Variants in RANBP2 observed in about 807,000 individuals in gnomAD.
The protein encoded by RANBP2 is E3 SUMO-protein ligase RanBP2.
Under a neutral mutation model 303.6 loss-of-function variants are expected in RANBP2, and 57 were observed. That is an observed-to-expected ratio of 0.19 (90% CI 0.15 to 0.23). The LOEUF (loss-of-function observed/expected upper bound fraction) is 0.23, where lower values mean the gene tolerates loss of function less well. RANBP2 is among the 10% of genes least tolerant of loss of function. RANBP2 has a pLI of 1.00. For synonymous variants in RANBP2, 1,167 were observed against 1,301.5 expected, an observed-to-expected ratio of 0.90 and a Z score of 2.23; for missense variants, 3,138 against 3,780.8, an observed-to-expected ratio of 0.83 and a Z score of 4.46.
chr2:109,433,658 G>A, the RANBP2 span, among the ~76,000 whole-genome samples: 5 of 152,196 alleles, frequency 3.3e-5, no homozygotes, highest in Admixed American at 2.0e-4. Context: ...GAGTGGTCTC[G>A]GGACACATGC....
chr2:108,767,527 C>A lies in RANBP2; in HGVS notation c.6988C>A (p.Gln2330Lys), dbSNP rs2693105. 25 of 1,611,708 alleles carry A rather than the reference C, an allele frequency of 1.6e-5. No homozygotes were observed. The highest frequency in any genetic ancestry group is 9.4e-5 in the African/African-American group (7 of 74,780). The change falls in exon 20 of 29, where the codon CAA becomes AAA. Residue 2330 changes from glutamine to lysine, a missense_variant. This residue lies in a region of RANBP2 where 92 missense variants were observed against 211.0 expected (regional missense o/e 0.44). Transcript: ENST00000283195. The stretch of plus-strand genomic sequence containing the variant: ...AGTATCCAGTGGTGAGGAAAATGAA[C>A]AAGTTGTTTTTAGTCACAGGGCAAA... Reference protein sequence around the residue: ...VEVSSGEENEQVVFSHRAKLY... With the variant: ...VEVSSGEENEKVVFSHRAKLY...
chr2:109,479,763 CCA>C, the RANBP2 span, among the ~76,000 whole-genome samples: 1 of 152,178 alleles, frequency 6.6e-6, no homozygotes, highest in African/African-American at 2.4e-5. Context: ...AGCCAATTAT[CCA>C]CACTGCTCTT....
the RANBP2 span, among the ~76,000 whole-genome samples, chr2:108,933,969 G>A: frequency 2.0e-5 from 3 of 152,160 alleles, no homozygotes; most frequent in Non-Finnish European, 4.4e-5. Context: ...AGCAGGGCTG[G>A]AGGCCTTCCA....
At chr2:109,241,768 A>AT in the RANBP2 span, among the ~76,000 whole-genome samples, 822 of 143,426 alleles carry the variant, frequency 5.7e-3, 6 homozygotes, top group East Asian at 0.036. Flanking sequence ...GTCTTGAATA[A>AT]TTTTTTTTTT....
At chr2:109,449,092 TGCATTGC>T in the RANBP2 span, 4 of 1,496,994 alleles carry the variant, frequency 2.7e-6, no homozygotes, top group Admixed American at 2.0e-5. Flanking sequence ...AGCCTGAGTG[TGCATTGC>T]AGCTGCCTGG....
chr2:109,032,836 A>G, the RANBP2 span, among the ~76,000 whole-genome samples: 3 of 152,222 alleles, frequency 2.0e-5, no homozygotes, highest in African/African-American at 7.2e-5. Context: ...GCCTAATTCC[A>G]CACAGAGTTT....
chr2:109,306,949 G>C, the RANBP2 span, among the ~76,000 whole-genome samples: 1 of 152,206 alleles, frequency 6.6e-6, no homozygotes, highest in African/African-American at 2.4e-5. Context: ...TGCTATGGAG[G>C]TGTTTTTGCT....
At chr2:109,409,647 C>T in the RANBP2 span, among the ~76,000 whole-genome samples, 3 of 152,128 alleles carry the variant, frequency 2.0e-5, no homozygotes, top group East Asian at 5.8e-4. Context: ...TGGCTGCTGC[C>T]TCTCCCAGGA....
chr2:109,000,806 C>T, the RANBP2 span, among the ~76,000 whole-genome samples: 1 of 152,078 alleles, frequency 6.6e-6, no homozygotes, highest in South Asian at 2.1e-4. Flanking sequence ...TAGTCTTATC[C>T]ATCACCTCAT....
chr2:109,322,642 C>G, the RANBP2 span, among the ~76,000 whole-genome samples: 1,276 of 152,318 alleles, frequency 8.4e-3, 15 homozygotes, highest in East Asian at 0.044. Flanking sequence ...AGGCTGGTCT[C>G]CAGCAGAAAT....
the RANBP2 span, among the ~76,000 whole-genome samples, chr2:109,542,179 G>C: frequency 6.6e-6 from 1 of 152,204 alleles, no homozygotes; most frequent in East Asian, 1.9e-4. Flanking sequence ...CTAATCTTGT[G>C]CCTGATGATA....
At chr2:109,554,559 T>C in the RANBP2 span, among the ~76,000 whole-genome samples, 2 of 152,004 alleles carry the variant, frequency 1.3e-5, no homozygotes. Context: ...AGACATGCCA[T>C]GAACTTAACG....
chr2:108,734,502 AAG>A (rs1695412276), intron 4 of RANBP2, among the ~76,000 whole-genome samples: 2 of 151,462 alleles, frequency 1.3e-5, no homozygotes, highest in East Asian at 1.9e-4. Flanking sequence ...TTCTGAGGAA[AAG>A]AGGGAATTAG....
chr2:109,595,563 A>G, the RANBP2 span, among the ~76,000 whole-genome samples: 2 of 152,212 alleles, frequency 1.3e-5, no homozygotes, highest in South Asian at 2.1e-4. Flanking sequence ...GAGAAATTAG[A>G]GATCACTGAA....
chr2:109,250,975 C>CTT, the RANBP2 span, among the ~76,000 whole-genome samples: 2 of 149,694 alleles, frequency 1.3e-5, no homozygotes, highest in African/African-American at 4.9e-5. Context: ...TTCTGTATAG[C>CTT]TTTTTTTTTC....
the RANBP2 span, among the ~76,000 whole-genome samples, chr2:109,640,077 C>T: frequency 6.6e-6 from 1 of 151,742 alleles, no homozygotes; most frequent in Non-Finnish European, 1.5e-5. Flanking sequence ...GTGAATATCT[C>T]TTTCCTTCTT....
the RANBP2 span, chr2:109,545,089 GGT>G: frequency 1.0e-6 from 1 of 985,386 alleles, no homozygotes; most frequent in Non-Finnish European, 1.2e-6. Context: ...TCTGAAAATG[GGT>G]CTGAAATAGA....
chr2:109,544,776 T>C, the RANBP2 span: 4 of 819,766 alleles, frequency 4.9e-6, no homozygotes, highest in South Asian at 1.1e-4. Context: ...TTTTATACTA[T>C]TTATTCTTTC....
At chr2:108,878,230 T>G in the RANBP2 span, 22,085 of 152,406 alleles carry the variant, frequency 0.14, 2,775 homozygotes, top group African/African-American at 0.34. Flanking sequence ...CTGAAAAGGA[T>G]AAATAATGGA....
Sources: gnomAD v4.1 joint callset for allele counts (sites outside exome capture counted in the v4.1 genomes callset) on GRCh38, gnomAD v4.1.1 for gene constraint, gnomAD v4.1.1 regional missense constraint, MANE v1.5 for transcripts, NCBI Gene and HGNC (gene_info 2026-07-23, HGNC 2026-07-21) for gene names.